The following SLC1A2 variants were observed in gnomAD, a reference collection of about 807,000 sequenced individuals.
SLC1A2 encodes solute carrier family 1 member 2, also known as excitatory amino acid transporter 2.
Under a neutral mutation model 48.8 loss-of-function variants are expected in SLC1A2, and 15 were observed. That is an observed-to-expected ratio of 0.31 (90% CI 0.21 to 0.47). SLC1A2 has a LOEUF of 0.47. Among genes scored for constraint, SLC1A2 ranks in the 20% least tolerant of loss-of-function variants. SLC1A2 has a pLI of 0.99. For missense variants in SLC1A2, 502 were observed against 730.5 expected (o/e 0.69, Z 3.61); for synonymous variants, 279 against 272.6 (o/e 1.02, Z -0.23).
intron 3 of SLC1A2, among the ~76,000 whole-genome samples, chr11:35,313,484 C>G (rs542850661): frequency 6.6e-6 from 1 of 152,316 alleles, no homozygotes; most frequent in South Asian, 2.1e-4. Context: ...AATGTGTTCA[C>G]TTCCTGGTTT....
chr11:35,265,266 G>A lies in SLC1A2; in HGVS notation c.1653+261C>T. 3 of 540,154 alleles carry A rather than the reference G, an allele frequency of 5.6e-6. No homozygotes were observed. The South Asian group carries it at 8.5e-5, about 15-fold the overall frequency. The allele number at this position is 540,154 out of a possible 1,614,324, so 33.5% of individuals were successfully genotyped here. ...TCAAATTAGTTAAATGGGGTAGATA[G>A]GGGAACCCGAATGGTTGTTTCACAT... On this transcript the variant is annotated intron_variant, in intron 10 of 10. Coordinates refer to ENST00000278379, the MANE Select transcript of SLC1A2 (RefSeq NM_004171.4).
intron 1 of SLC1A2, among the ~76,000 whole-genome samples, chr11:35,413,509 C>A (rs1035233222): frequency 3.3e-5 from 5 of 152,046 alleles, no homozygotes; most frequent in Non-Finnish European, 7.4e-5. Context: ...ATAAATGGTA[C>A]CAAGATAAAA....
chr11:35,283,623 A>G (rs1850711691), intron 8 of SLC1A2, among the ~76,000 whole-genome samples: 1 of 152,186 alleles, frequency 6.6e-6, no homozygotes, highest in African/African-American at 2.4e-5. Context: ...CCCATCTAAT[A>G]GTGGGAACTT....
At chr11:35,261,911 T>C in intron 10 of SLC1A2, 1 of 394,004 alleles carries the variant, frequency 2.5e-6, no homozygotes, top group Non-Finnish European at 4.5e-6. Context: ...CAAAGGAAAA[T>C]AAAAACCATT....
intron 1 of SLC1A2, among the ~76,000 whole-genome samples, chr11:35,417,556 G>T (rs1923293): frequency 0.12 from 18,540 of 152,166 alleles, 2,344 homozygotes; most frequent in African/African-American, 0.33. Context: ...TGGGCTCCTA[G>T]TATCTATTTC....
intron 4 of SLC1A2, among the ~76,000 whole-genome samples, chr11:35,307,497 T>A (rs1418962894): frequency 1.3e-5 from 2 of 152,192 alleles, no homozygotes; most frequent in Middle Eastern, 3.2e-3. Flanking sequence ...AAAATCCACA[T>A]CTGAGCTTAA....
At chr11:35,294,992 T>C (rs1390419562) in intron 6 of SLC1A2, among the ~76,000 whole-genome samples, 1 of 152,216 alleles carries the variant, frequency 6.6e-6, no homozygotes, top group African/African-American at 2.4e-5. Flanking sequence ...GTTTGTTCTA[T>C]GAAGTCTTTC....
At chr11:35,295,192 T>C (rs185504252) in intron 6 of SLC1A2, among the ~76,000 whole-genome samples, 1 of 152,124 alleles carries the variant, frequency 6.6e-6, no homozygotes, top group East Asian at 1.9e-4. Context: ...AGACTACAGG[T>C]GTTTGCCACC....
At chr11:35,378,499 G>A (rs1199087031) in intron 1 of SLC1A2, among the ~76,000 whole-genome samples, 2 of 152,202 alleles carry the variant, frequency 1.3e-5, no homozygotes, top group South Asian at 4.1e-4. Flanking sequence ...CTCTGAAAGC[G>A]CTCACCCTTA....
rs1462275712 is a variant in SLC1A2 at position 35,317,470 on chromosome 11, G to T, written c.64C>A (p.His22Asn). 3 of 1,614,170 alleles carry T rather than the reference G, an allele frequency of 1.9e-6. No individual in the cohort carries two copies. The highest frequency in any genetic ancestry group is 2.2e-5 in the East Asian group (1 of 44,886). Residue 22 changes from histidine (H) to asparagine (N), a missense_variant, in exon 2 of 11, where the codon CAT becomes AAT. By Grantham distance (68) the His-to-Asn change is moderately conservative. Around this residue, in one of 4 missense-constraint regions of SLC1A2, gnomAD observed 89 missense variants for 119.7 expected, o/e 0.74. Transcript: ENST00000278379. ...TGCTTGGGTTCCTCTGAGCCAAGATGACTGTCGTGCATTCGCACTTCCACC... is the reference window on the plus strand; with the variant it reads ...TGCTTGGGTTCCTCTGAGCCAAGATTACTGTCGTGCATTCGCACTTCCACC... ...KQVEVRMHDS[H>N]LGSEEPKHRH...
intron 4 of SLC1A2, among the ~76,000 whole-genome samples, chr11:35,311,488 C>T (rs1851687012): frequency 6.6e-6 from 1 of 152,178 alleles, no homozygotes; most frequent in African/African-American, 2.4e-5. Flanking sequence ...AGATTATGCA[C>T]ACTTGCATAA....
At position 35,419,250 on chromosome 11, in the gene SLC1A2, G is replaced by T. The variant is rs944362524; in HGVS notation, c.-284C>A. ...GGGAGCTCCGGGGGCTCCGAGGGTG[G>T]CTTCCCCGAGAGAGCGATGCGCCCA... On this transcript the variant is annotated 5_prime_UTR_variant, in exon 1 of 11. Coordinates refer to ENST00000278379, the MANE Select transcript of SLC1A2 (RefSeq NM_004171.4). This position sits in a 1 kb window ranked among gnomAD's most constrained non-coding sequence, Gnocchi z 5.4. 3.3e-5 allele frequency: 13 copies of T among 393,250 alleles called. No homozygotes were observed. In the South Asian group the frequency reaches 8.4e-4, roughly 25 times the overall value. 24.4% of individuals were successfully genotyped at this position (393,250 alleles called of 1,614,324 possible).
Position 35,258,310 on chromosome 11 carries a change from A to C in SLC1A2, c.*2584T>G, listed in dbSNP as rs1950341816. On this transcript the variant is annotated 3_prime_UTR_variant, in exon 11 of 11. Transcript: ENST00000278379. The stretch of plus-strand genomic sequence containing the variant: ...AGACCAGAAAAAACTTGCTTTGTGA[A>C]GTTGTACACCTTGTTTCTTCCAAAC... 1 of 152,230 alleles carries C rather than the reference A, an allele frequency of 6.6e-6. No individual in the cohort carries two copies. The highest frequency in any genetic ancestry group is 2.4e-5 in the African/African-American group (1 of 41,460). The allele number at this position is 152,230 out of a possible 1,614,324, so 9.4% of individuals were successfully genotyped here. A position where few individuals can be genotyped will look rare whatever the true frequency, so the allele number is the denominator to read the frequency against.
chr11:35,358,196 C>T lies in SLC1A2; in HGVS notation c.18-40680G>A, dbSNP rs1172199475. Among the ~76,000 whole-genome samples, 4 of 151,596 alleles carry T rather than the reference C, an allele frequency of 2.6e-5. No homozygotes were observed. The South Asian group carries it at 8.3e-4, about 31-fold the overall frequency. ...TAGAAAACAGATATAAAGTATGTAA[C>T]ATGATCTCAAATAGTATTGATGTAT... On this transcript the variant is annotated intron_variant, in intron 1 of 10. Transcript: ENST00000278379.
At chr11:35,412,049 A>C (rs1417029419) in intron 1 of SLC1A2, among the ~76,000 whole-genome samples, 3 of 151,772 alleles carry the variant, frequency 2.0e-5, no homozygotes, top group East Asian at 1.9e-4. Context: ...GAGCAAAAAA[A>C]AAAAACAAAA....
At chr11:35,383,135 G>A (rs1486222151) in intron 1 of SLC1A2, among the ~76,000 whole-genome samples, 2 of 152,176 alleles carry the variant, frequency 1.3e-5, no homozygotes, top group African/African-American at 4.8e-5. Flanking sequence ...CAAACTGGTA[G>A]TGTATTAAAA....
In SLC1A2 at chr11:35,253,295, A is replaced by C. The variant is rs1472702890; in HGVS notation, c.*7599T>G. The C allele has an allele frequency of 6.6e-6, 1 of 152,530 alleles. No homozygotes were observed. Among genetic ancestry groups the C allele is most frequent in the Admixed American group, 6.5e-5 (1 of 15,270 alleles). 9.4% of individuals were successfully genotyped at this position (152,530 alleles called of 1,614,324 possible). On this transcript the variant is annotated 3_prime_UTR_variant, in exon 11 of 11. Transcript: ENST00000278379. ...TTCTTTAAAAATATGTGCTCAATTC[A>C]CATAACAATGTGACATTTACCACTA... is the stretch of plus-strand genomic sequence containing the variant.
In SLC1A2 at chr11:35,292,303, G is replaced by A. The variant is rs751174862; in HGVS notation, c.1075C>T (p.Leu359=). 6.2e-7 allele frequency: 1 copy of A among 1,612,710 alleles called. No individual in the cohort carries two copies. The highest frequency in any genetic ancestry group is 1.3e-5 in the African/African-American group (1 of 74,880). The part of the protein sequence containing the change: ...AGIFQAWITA[L]GTASSAGTLP... ...GTTCTCTACCTGGAAGCGGTGCCCA[G>A]GGCAGTGATCCAAGCTTGGAAAATG... is the stretch of plus-strand genomic sequence containing the variant. Residue 359 remains leucine, a synonymous_variant, in exon 7 of 11, where the codon CTG becomes TTG. Coordinates refer to ENST00000278379, the MANE Select transcript of SLC1A2 (RefSeq NM_004171.4).
At position 35,303,469 on chromosome 11, in the gene SLC1A2, G is replaced by A. The variant is rs181343888; in HGVS notation, c.731-1824C>T. Among the ~76,000 whole-genome samples, 6 of 152,298 alleles carry A rather than the reference G, an allele frequency of 3.9e-5. No individual in the cohort carries two copies. In the East Asian group the frequency reaches 9.6e-4, roughly 24 times the overall value. On this transcript the variant is annotated intron_variant, in intron 5 of 10. Transcript: ENST00000278379. ...ATCCAGGACAGAGGGAACTAGTTCC[G>A]CAGTAATGTACAAAATCAATTTCAG...
Sources: gnomAD v4.1 joint callset for allele counts (sites outside exome capture counted in the v4.1 genomes callset) on GRCh38, gnomAD v4.1.1 for gene constraint, gnomAD v4.1.1 regional missense constraint, Gnocchi (gnomAD v3.1) non-coding constraint, MANE v1.5 for transcripts, NCBI Gene and HGNC (gene_info 2026-07-23, HGNC 2026-07-21) for gene names.